PCDHGA7: variants seen among roughly 807,000 people sequenced by gnomAD.
The protein encoded by PCDHGA7 is protocadherin gamma-A7.
PCDHGA7 carries 44 observed loss-of-function variants against 58.3 expected under a neutral mutation model. That is an observed-to-expected ratio of 0.75 (90% CI 0.59 to 0.97). PCDHGA7 has a LOEUF of 0.97. Among genes scored for constraint, PCDHGA7 ranks in the 50% least tolerant of loss-of-function variants. The pLI is 0.00. For missense variants in PCDHGA7, 1,266 were observed against 1,188.7 expected (o/e 1.06, Z -0.96); for synonymous variants, 516 against 504.2 (o/e 1.02, Z -0.31).
In PCDHGA7 at chr5:141,431,339, TTGG is replaced by T. The variant is rs750589924; in HGVS notation, c.2424+46019_2424+46021del. ...AGCCGACGGTAGTAAGTACCCCGAA[TTGG>T]TGCTGAAACGCGCCCTGGACCGCGA... is the stretch of plus-strand genomic sequence containing the variant. On this transcript the variant is annotated intron_variant, in intron 1 of 3. Coordinates refer to ENST00000518325, the MANE Select transcript of PCDHGA7 (RefSeq NM_018920.4). The surrounding 1 kb of genome is among the most constrained non-coding windows in gnomAD (Gnocchi z 4.8). 4 of 1,614,060 alleles carry T rather than the reference TTGG, an allele frequency of 2.5e-6. No individual in the cohort carries two copies. The Admixed American group carries it at 6.7e-5, about 27-fold the overall frequency.
At chr5:141,435,644 T>A (rs913195454) in intron 1 of PCDHGA7, among the ~76,000 whole-genome samples, 1 of 152,170 alleles carries the variant, frequency 6.6e-6, no homozygotes, top group Non-Finnish European at 1.5e-5. Flanking sequence ...TGGGAAAATT[T>A]CTGAAACGTG....
At chr5:141,415,746 T>G (rs766611858) in intron 1 of PCDHGA7, 17 of 662,556 alleles carry the variant, frequency 2.6e-5, no homozygotes, top group East Asian at 1.1e-4. Context: ...TAAGGTTTTT[T>G]TTTTTTTTTT....
rs1410419839 is a variant in PCDHGA7 at position 141,429,391 on chromosome 5, A to ATTTT, written c.2424+44068_2424+44069insTTTT. Among the ~76,000 whole-genome samples, 380 of 151,312 alleles carry ATTTT rather than the reference A, an allele frequency of 2.5e-3. 1 individual carries two copies. The highest frequency in any genetic ancestry group is 4.2e-3 in the South Asian group (20 of 4,768). On this transcript the variant is annotated intron_variant, in intron 1 of 3. Coordinates refer to ENST00000518325, the MANE Select transcript of PCDHGA7 (RefSeq NM_018920.4). The stretch of plus-strand genomic sequence containing the variant: ...GGAGAAAATGTGTTTTTTTTTTAAA[A>ATTTT]AAAATTGAGATTAAGGTCTCATTAT...
intron 1 of PCDHGA7, among the ~76,000 whole-genome samples, chr5:141,473,267 C>G (rs1458810488): frequency 1.3e-5 from 2 of 152,248 alleles, no homozygotes; most frequent in African/African-American, 2.4e-5. Flanking sequence ...TTAGTGTATG[C>G]TATGATTATT....
At chr5:141,397,920 T>A (rs2093586320) in intron 1 of PCDHGA7, 15 of 727,102 alleles carry the variant, frequency 2.1e-5, no homozygotes, top group Non-Finnish European at 3.3e-5. Flanking sequence ...CCAGATCTCC[T>A]CGCGCAGCCG....
At chr5:141,422,592 C>T (rs2096658264) in intron 1 of PCDHGA7, 1 of 1,614,090 alleles carries the variant, frequency 6.2e-7, no homozygotes. Flanking sequence ...TTTTTCCTCA[C>T]TCCTCTTACT....
At chr5:141,503,745 G>A (rs1377110427) in intron 2 of PCDHGA7, among the ~76,000 whole-genome samples, 3 of 152,220 alleles carry the variant, frequency 2.0e-5, no homozygotes, top group South Asian at 2.1e-4. Flanking sequence ...ATGGTATAGA[G>A]GTCACACATG....
Position 141,490,447 on chromosome 5 carries a change from C to A in PCDHGA7, c.2425-4360C>A, listed in dbSNP as rs1273424450. 1.2e-6 allele frequency: 2 copies of A among 1,614,196 alleles called. No homozygotes were observed. The highest frequency in any genetic ancestry group is 1.7e-5 in the Admixed American group (1 of 60,030). Reference sequence around the variant, plus strand: ...ATTTCAGATTAAGCCTTCTGAGAACCACTACTCGCTGCTAACCAGCCAGCC... The same window carrying A: ...ATTTCAGATTAAGCCTTCTGAGAACAACTACTCGCTGCTAACCAGCCAGCC... On this transcript the variant is annotated intron_variant, in intron 1 of 3. Coordinates refer to ENST00000518325, the MANE Select transcript of PCDHGA7 (RefSeq NM_018920.4). This position sits in a 1 kb window ranked among gnomAD's most constrained non-coding sequence, Gnocchi z 5.4.
Position 141,383,867 on chromosome 5 carries a change from A to G in PCDHGA7, c.968A>G (p.Asp323Gly). 3 of 1,614,006 alleles carry G rather than the reference A, an allele frequency of 1.9e-6. No homozygotes were observed. Among genetic ancestry groups the G allele is most frequent in the Non-Finnish European group, 1.7e-6 (2 of 1,179,884 alleles). Residue 323 changes from aspartate to glycine, a missense_variant, in exon 1 of 4, where the codon GAT (aspartate) becomes GGT (glycine). Transcript: ENST00000518325. ...AFYEMEVQAQ[D>G]GPGSLTKAKV... ...TATGAAATGGAGGTTCAGGCTCAAG[A>G]TGGTCCTGGTAGTCTGACAAAGGCA...
chr5:141,436,859 A>T (rs550974791), intron 1 of PCDHGA7, among the ~76,000 whole-genome samples: 1 of 152,250 alleles, frequency 6.6e-6, no homozygotes, highest in Non-Finnish European at 1.5e-5. Flanking sequence ...TTGAGAAGCC[A>T]CAGTTTTAGG....
At chr5:141,394,199 A>T (rs1353569032) in intron 1 of PCDHGA7, 1 of 1,613,840 alleles carries the variant, frequency 6.2e-7, no homozygotes, top group Non-Finnish European at 8.5e-7. Context: ...CGTATATCCT[A>T]GAGAACAACC....
intron 2 of PCDHGA7, among the ~76,000 whole-genome samples, chr5:141,498,352 CA>C: frequency 6.6e-6 from 1 of 151,890 alleles, no homozygotes; most frequent in African/African-American, 2.4e-5. Flanking sequence ...AAAGCCTATG[CA>C]AAAGCCTTGT....
chr5:141,415,657 G>A, intron 1 of PCDHGA7: 1 of 1,576,236 alleles, frequency 6.3e-7, no homozygotes, highest in Non-Finnish European at 8.6e-7. Flanking sequence ...AAAAAAGATT[G>A]GTTTTTACTT....
intron 2 of PCDHGA7, among the ~76,000 whole-genome samples, chr5:141,499,115 C>G (rs940275925): frequency 6.6e-6 from 1 of 152,124 alleles, no homozygotes; most frequent in Non-Finnish European, 1.5e-5. Flanking sequence ...CACCACTATC[C>G]CTTCTCAGGT....
At position 141,480,148 on chromosome 5, in the gene PCDHGA7, G is replaced by C. The variant is rs139861128; in HGVS notation, c.2425-14659G>C. On this transcript the variant is annotated intron_variant, in intron 1 of 3. Transcript: ENST00000518325. ...ATAACTGTTAAACAATTATTAGCCA[G>C]CTCCTAGCATTTTGGGAGGCTGAGG... 9.2e-4 allele frequency among the ~76,000 whole-genome samples: 140 copies of C among 152,036 alleles called. 1 individual carries two copies. The highest frequency in any genetic ancestry group is 3.1e-3 in the African/African-American group (127 of 41,470).
At chr5:141,399,335 A>G in intron 1 of PCDHGA7, 3 of 1,613,978 alleles carry the variant, frequency 1.9e-6, no homozygotes, top group Non-Finnish European at 2.5e-6. Flanking sequence ...TTGGTAACAG[A>G]TGGAACCCTA....
rs780788394 is a variant in PCDHGA7 at position 141,491,675 on chromosome 5, C to T, written c.2425-3132C>T. ...GAGCCTGACGCCATCCGGTCCCGCT[C>T]TAATACGCTGCGGGAGCGGAGCCAG... On this transcript the variant is annotated intron_variant, in intron 1 of 3. Transcript: ENST00000518325. The surrounding 1 kb of genome is among the most constrained non-coding windows in gnomAD (Gnocchi z 6.9). 6 of 1,613,450 alleles carry T rather than the reference C, an allele frequency of 3.7e-6. No homozygotes were observed. The African/African-American group carries it at 8.0e-5, about 22-fold the overall frequency.
At chr5:141,412,938 T>C (rs2095590973) in intron 1 of PCDHGA7, 3 of 461,786 alleles carry the variant, frequency 6.5e-6, no homozygotes, top group Admixed American at 7.7e-5. Context: ...TTCTTAGGAC[T>C]CTGAGCGCCG....
rs576464275 is a variant in PCDHGA7, at chr5:141,448,784, CA to C, written c.2425-46012del. ...TGAAACCCCGTCTGTACTAAAAATA[CA>C]AAAAAAAAAATTAGCCAGGCGTGAT... On this transcript the variant is annotated intron_variant, in intron 1 of 3. Coordinates refer to ENST00000518325, the MANE Select transcript of PCDHGA7 (RefSeq NM_018920.4). Among the ~76,000 whole-genome samples, 323 of 145,522 alleles carry C rather than the reference CA, an allele frequency of 2.2e-3. 2 individuals are homozygous for C. The highest frequency in any genetic ancestry group is 5.9e-3 in the African/African-American group (238 of 40,012).
Sources: gnomAD v4.1 joint callset for allele counts (sites outside exome capture counted in the v4.1 genomes callset) on GRCh38, gnomAD v4.1.1 for gene constraint, Gnocchi (gnomAD v3.1) non-coding constraint, MANE v1.5 for transcripts, NCBI Gene and HGNC (gene_info 2026-07-23, HGNC 2026-07-21) for gene names.